PAX1: variants seen among roughly 807,000 people sequenced by gnomAD.
PAX1 encodes the protein paired box protein Pax-1.
PAX1 carries 18 observed loss-of-function variants against 35.6 expected under a neutral mutation model. The observed-to-expected ratio is 0.50, with a 90% CI of 0.35 to 0.75. The LOEUF is 0.75. Among genes scored for constraint, PAX1 ranks in the 30% least tolerant of loss-of-function variants. The pLI is 0.01. For missense variants in PAX1, 760 were observed against 661.5 expected, an observed-to-expected ratio of 1.15 and a Z score of -1.63; for synonymous variants, 397 against 305.2, an observed-to-expected ratio of 1.30 and a Z score of -3.14.
At position 21,714,695 on chromosome 20, in the gene PAX1, G is replaced by A. The variant is rs779522941; in HGVS notation, c.*133G>A. Reference sequence around the variant, plus strand: ...CGGAGGAGGAAGCCAGTGCCGGCCCGCGGGGTGCACGCCCAGCCAGCCCCC... The same window carrying A: ...CGGAGGAGGAAGCCAGTGCCGGCCCACGGGGTGCACGCCCAGCCAGCCCCC... On this transcript the variant is annotated 3_prime_UTR_variant, in exon 5 of 5. Transcript: ENST00000613128. The A allele has an allele frequency of 1.9e-6, 3 of 1,605,992 alleles. No individual in the cohort carries two copies. The highest frequency in any genetic ancestry group is 2.2e-5 in the East Asian group (1 of 44,822).
In PAX1 at chr20:21,716,701, G is replaced by A. The variant is rs1985382529; in HGVS notation, c.*2139G>A. 6.6e-6 allele frequency: 1 copy of A among 152,084 alleles called. No individual in the cohort carries two copies. The highest frequency in any genetic ancestry group is 2.1e-4 in the South Asian group (1 of 4,828). The allele number at this position is 152,084 out of a possible 1,614,324, so 9.4% of individuals were successfully genotyped here. ...AGACTGAAGTCCTCAGCCTTCCATG[G>A]CAGCATATCCTGTAGAAGAGCTTGT... is the stretch of plus-strand genomic sequence containing the variant. On this transcript the variant is annotated 3_prime_UTR_variant, in exon 5 of 5. Transcript: ENST00000613128.
Position 21,716,506 on chromosome 20 carries a change from C to CTTTTT in PAX1, c.*1959_*1963dup, listed in dbSNP as rs72279045. On this transcript the variant is annotated 3_prime_UTR_variant, in exon 5 of 5. Coordinates refer to ENST00000613128, the MANE Select transcript of PAX1 (RefSeq NM_001257096.2). ...TCTTCTCAGATTCAAAGTCTCTTGT[C>CTTTTT]TTTTTTTTTTTTTTTTTTTAAAGTT... 3.3e-5 allele frequency: 4 copies of CTTTTT among 120,018 alleles called. No homozygotes were observed. Among genetic ancestry groups the CTTTTT allele is most frequent in the Non-Finnish European group, 5.5e-5 (3 of 54,136 alleles). 7.4% of individuals were successfully genotyped at this position (120,018 alleles called of 1,614,324 possible).
At position 21,717,543 on chromosome 20, in the gene PAX1, G is replaced by T. The variant is rs1555805421; in HGVS notation, c.*2981G>T. 6.6e-6 allele frequency: 1 copy of T among 152,168 alleles called. No homozygotes were observed. Among genetic ancestry groups the T allele is most frequent in the Non-Finnish European group, 1.5e-5 (1 of 68,032 alleles). 9.4% of individuals were successfully genotyped at this position (152,168 alleles called of 1,614,324 possible). On this transcript the variant is annotated 3_prime_UTR_variant, in exon 5 of 5. Coordinates refer to ENST00000613128, the MANE Select transcript of PAX1 (RefSeq NM_001257096.2). ...AAATATTTTCCAAAAGATCCCATTG[G>T]AATATTGCACTTTTGCTCTTTGTTC...
chr20:21,711,821 C>A (rs1985207160), intron 4 of PAX1, among the ~76,000 whole-genome samples: 1 of 152,178 alleles, frequency 6.6e-6, no homozygotes, highest in African/African-American at 2.4e-5. Context: ...CTTCAAAGAT[C>A]TATTCCCTCA....
intron 2 of PAX1, chr20:21,708,229 G>C: frequency 6.1e-6 from 3 of 495,160 alleles, no homozygotes; most frequent in Non-Finnish European, 7.4e-6. Flanking sequence ...CTGTAGCTTT[G>C]AACTCGGAAG....
intron 2 of PAX1, among the ~76,000 whole-genome samples, chr20:21,707,531 TAAG>T (rs1462490792): frequency 1.3e-5 from 2 of 152,180 alleles, no homozygotes; most frequent in African/African-American, 4.8e-5. Flanking sequence ...CCTACATCTC[TAAG>T]GTCCTGTGGC....
chr20:21,710,798 C>T (rs1985177304), intron 4 of PAX1, among the ~76,000 whole-genome samples: 1 of 152,118 alleles, frequency 6.6e-6, no homozygotes, highest in Non-Finnish European at 1.5e-5. Context: ...CACAGACATC[C>T]TGGGATATTA....
Position 21,709,454 on chromosome 20 carries a change from G to C in PAX1, c.1282+10G>C. 1 of 1,510,840 alleles carries C rather than the reference G, an allele frequency of 6.6e-7. No homozygotes were observed. Among genetic ancestry groups the C allele is most frequent in the East Asian group, 2.5e-5 (1 of 40,664 alleles). The allele number at this position is 1,510,840 out of a possible 1,614,324, so 93.6% of individuals were successfully genotyped here. ...CATCCCAGCCGAGAAGGTGAGGAGC[G>C]CAGGGAGTGGGGCGGGTGGATGCTG... On this transcript the variant is annotated intron_variant, in intron 4 of 4. Coordinates refer to ENST00000613128, the MANE Select transcript of PAX1 (RefSeq NM_001257096.2).
At chr20:21,707,817 A>G (rs942872429) in intron 2 of PAX1, among the ~76,000 whole-genome samples, 1 of 152,206 alleles carries the variant, frequency 6.6e-6, no homozygotes, top group Admixed American at 6.5e-5. Flanking sequence ...GAGGAGGGCA[A>G]GAAGCAAAAT....
At position 21,706,123 on chromosome 20, in the gene PAX1, C is replaced by A; in HGVS notation, c.286+125C>A. 4 of 849,232 alleles carry A rather than the reference C, an allele frequency of 4.7e-6. No homozygotes were observed. The highest frequency in any genetic ancestry group is 2.1e-5 in the Admixed American group (1 of 47,782). The allele number at this position is 849,232 out of a possible 1,614,324, so 52.6% of individuals were successfully genotyped here. A position where few individuals can be genotyped will look rare whatever the true frequency, so the allele number is the denominator to read the frequency against. ...TCCTGGGTCCTGGAGAAGCTGCATT[C>A]TCCTCTGATCCCCAGCCTTCAGGGG... is the stretch of plus-strand genomic sequence containing the variant. On this transcript the variant is annotated intron_variant, in intron 1 of 4. Transcript: ENST00000613128. The surrounding 1 kb of genome is among the most constrained non-coding windows in gnomAD (Gnocchi z 5.3).
Position 21,709,267 on chromosome 20 carries a change from G to T in PAX1, c.1105G>T (p.Ala369Ser). Residue 369 changes from alanine to serine, a missense_variant, in exon 4 of 5, where the codon GCC becomes TCC. Transcript: ENST00000613128. ...SAVGGFLPAC[A>S]YPASNQHGVY... ...CGTGGGCGGCTTTCTCCCCGCCTGC[G>T]CCTACCCGGCCTCCAACCAGCACGG... 6.2e-7 allele frequency: 1 copy of T among 1,605,928 alleles called. No individual in the cohort carries two copies. The highest frequency in any genetic ancestry group is 1.1e-5 in the South Asian group (1 of 91,072).
rs142565607 is a variant in PAX1 at position 21,706,822 on chromosome 20, A to G, written c.671A>G (p.Lys224Arg). The G allele has an allele frequency of 5.3e-4, 860 of 1,613,460 alleles. No homozygotes were observed. Among genetic ancestry groups the G allele is most frequent in the Non-Finnish European group, 7.0e-4 (822 of 1,180,036 alleles). The change falls in exon 2 of 5, where the codon AAG becomes AGG. Residue 224 changes from lysine to arginine, a missense_variant. Physicochemically the swap from Lys to Arg is conservative, Grantham distance 26 (BLOSUM62 2). Transcript: ENST00000613128. The surrounding 1 kb of genome is among the most constrained non-coding windows in gnomAD (Gnocchi z 5.3). ...TCCATCAGCCGCATCCTGCGCAACAAGATCGGCAGCCTGGCGCAGCCCGGA... is the reference window on the plus strand; with the variant it reads ...TCCATCAGCCGCATCCTGCGCAACAGGATCGGCAGCCTGGCGCAGCCCGGA... ...VSSISRILRN[K>R]IGSLAQPGPY... is the part of the protein sequence containing the mutation.
chr20:21,714,927 C>A lies in PAX1; in HGVS notation c.*365C>A, dbSNP rs1490293734. ...CGCCTCTCTCCCTGTTTCCTTCCCCCCTCTTTCTTTCTCACTCTCCCTCCC... is the reference window on the plus strand; with the variant it reads ...CGCCTCTCTCCCTGTTTCCTTCCCCACTCTTTCTTTCTCACTCTCCCTCCC... On this transcript the variant is annotated 3_prime_UTR_variant, in exon 5 of 5. Transcript: ENST00000613128. The A allele has an allele frequency of 2.5e-6, 2 of 812,106 alleles. No homozygotes were observed. Among genetic ancestry groups the A allele is most frequent in the Non-Finnish European group, 4.1e-6 (2 of 485,250 alleles). The allele number at this position is 812,106 out of a possible 1,614,324, so 50.3% of individuals were successfully genotyped here.
chr20:21,706,416 C>CTCT lies in PAX1; in HGVS notation c.287-20_287-18dup. 1 of 1,610,746 alleles carries CTCT rather than the reference C, an allele frequency of 6.2e-7. No homozygotes were observed. The highest frequency in any genetic ancestry group is 1.3e-5 in the African/African-American group (1 of 75,074). On this transcript the variant is annotated intron_variant, in intron 1 of 4. Coordinates refer to ENST00000613128, the MANE Select transcript of PAX1 (RefSeq NM_001257096.2). This position sits in a 1 kb window ranked among gnomAD's most constrained non-coding sequence, Gnocchi z 5.3. ...GGGTGTTTTCTCCCCCTCCGGCTCA[C>CTCT]TCTTGTCTGGCGCATCCGCAGAGCA...
chr20:21,715,348 A>G lies in PAX1; in HGVS notation c.*786A>G, dbSNP rs1985335253. Reference sequence around the variant, plus strand: ...AACCTAGGAAGTGGACAGAAAAGCCACAGCCTTTATTTTGTATTTTTTTTG... The same window carrying G: ...AACCTAGGAAGTGGACAGAAAAGCCGCAGCCTTTATTTTGTATTTTTTTTG... On this transcript the variant is annotated 3_prime_UTR_variant, in exon 5 of 5. Coordinates refer to ENST00000613128, the MANE Select transcript of PAX1 (RefSeq NM_001257096.2). 1 of 154,996 alleles carries G rather than the reference A, an allele frequency of 6.5e-6. No individual in the cohort carries two copies. 9.6% of individuals were successfully genotyped at this position (154,996 alleles called of 1,614,324 possible).
chr20:21,714,698 G>C lies in PAX1; in HGVS notation c.*136G>C. On this transcript the variant is annotated 3_prime_UTR_variant, in exon 5 of 5. Transcript: ENST00000613128. ...AGGAGGAAGCCAGTGCCGGCCCGCGGGGTGCACGCCCAGCCAGCCCCCAGG... is the reference window on the plus strand; with the variant it reads ...AGGAGGAAGCCAGTGCCGGCCCGCGCGGTGCACGCCCAGCCAGCCCCCAGG... 1 of 1,606,194 alleles carries C rather than the reference G, an allele frequency of 6.2e-7. No individual in the cohort carries two copies. The highest frequency in any genetic ancestry group is 8.5e-7 in the Non-Finnish European group (1 of 1,179,510).
rs547708388 is a variant in PAX1 at position 21,708,244 on chromosome 20, T to C, written c.917-314T>C. 9.6e-6 allele frequency: 5 copies of C among 521,126 alleles called. No individual in the cohort carries two copies. The South Asian group carries it at 1.0e-4, about 11-fold the overall frequency. 32.3% of individuals were successfully genotyped at this position (521,126 alleles called of 1,614,324 possible). On this transcript the variant is annotated intron_variant, in intron 2 of 4. Coordinates refer to ENST00000613128, the MANE Select transcript of PAX1 (RefSeq NM_001257096.2). ...CTGTAGCTTTGAACTCGGAAGTTTC[T>C]GGGAGCCGTGTCTGGACAATGGAGC...
At chr20:21,710,202 G>C (rs1378570327) in intron 4 of PAX1, among the ~76,000 whole-genome samples, 1 of 152,092 alleles carries the variant, frequency 6.6e-6, no homozygotes, top group Non-Finnish European at 1.5e-5. Flanking sequence ...AAAAGTCGAG[G>C]AACAGATTTT....
chr20:21,709,156 C>A, intron 3 of PAX1, 66 bp from the exon 4 acceptor site: 1 of 1,222,404 alleles, frequency 8.2e-7, no homozygotes, highest in Non-Finnish European at 1.2e-6. Context: ...ACCCCCGTCT[C>A]AGTGATGGCG....
Sources: gnomAD v4.1 joint callset for allele counts (sites outside exome capture counted in the v4.1 genomes callset) on GRCh38, gnomAD v4.1.1 for gene constraint, Gnocchi (gnomAD v3.1) non-coding constraint, MANE v1.5 for transcripts, NCBI Gene and HGNC (gene_info 2026-07-23, HGNC 2026-07-21) for gene names.